Variants in CYP19A1 observed in about 807,000 individuals in gnomAD.
The protein encoded by CYP19A1 is aromatase.
Under a neutral mutation model 44.4 loss-of-function variants are expected in CYP19A1, and 32 were observed. That is an observed-to-expected ratio of 0.72 (90% CI 0.54 to 0.97). CYP19A1 has a LOEUF of 0.97. Among genes scored for constraint, CYP19A1 ranks in the 50% least tolerant of loss-of-function variants. CYP19A1 has a pLI of 0.00. For missense variants in CYP19A1, 598 were observed against 637.8 expected (o/e 0.94, Z 0.67); for synonymous variants, 212 against 215.6 (o/e 0.98, Z 0.14).
chr15:51,237,440 A>T (rs2141107924), intron 2 of CYP19A1, among the ~76,000 whole-genome samples: 1 of 152,296 alleles, frequency 6.6e-6, no homozygotes, highest in African/African-American at 2.4e-5. Context: ...TTTTGGTTTG[A>T]GTGCCCCGGT....
chr15:51,228,167 A>T (rs572169084), intron 3 of CYP19A1, among the ~76,000 whole-genome samples: 1 of 152,220 alleles, frequency 6.6e-6, no homozygotes, highest in African/African-American at 2.4e-5. Context: ...GATAGAAAAC[A>T]CACACACACA....
At chr15:51,311,972 ATAT>A (rs2036319418) in intron 1 of CYP19A1, among the ~76,000 whole-genome samples, 1 of 152,236 alleles carries the variant, frequency 6.6e-6, no homozygotes, top group South Asian at 2.1e-4. Flanking sequence ...TTCAAAAATA[ATAT>A]TATATATCAA....
intron 1 of CYP19A1, among the ~76,000 whole-genome samples, chr15:51,272,160 G>C (rs76676235): frequency 6.6e-5 from 10 of 152,044 alleles, no homozygotes; most frequent in Non-Finnish European, 1.0e-4. Flanking sequence ...GTCCATCTTC[G>C]ATTTTTCCCT....
intron 1 of CYP19A1, among the ~76,000 whole-genome samples, chr15:51,286,163 C>T (rs988898074): frequency 1.3e-5 from 2 of 152,206 alleles, no homozygotes; most frequent in African/African-American, 4.8e-5. Flanking sequence ...TATAACAACT[C>T]TACTCCTCTC....
chr15:51,298,062 C>T (rs552243142), intron 1 of CYP19A1, among the ~76,000 whole-genome samples: 2 of 152,074 alleles, frequency 1.3e-5, no homozygotes, highest in East Asian at 3.9e-4. Context: ...CCAAGTCTGG[C>T]TCCCTGCCCC....
intron 1 of CYP19A1, among the ~76,000 whole-genome samples, chr15:51,251,159 C>T (rs2034292738): frequency 6.6e-6 from 1 of 152,082 alleles, no homozygotes; most frequent in Non-Finnish European, 1.5e-5. Flanking sequence ...GAGCCAAGTG[C>T]CAGTGGTGGT....
Position 51,210,840 on chromosome 15 carries a change from G to A in CYP19A1, c.1480C>T (p.Pro494Ser), listed in dbSNP as rs1269264988. Residue 494 changes from proline (P) to serine (S), a missense_variant, in exon 10 of 10, where the codon CCA (proline) becomes TCA (serine). Coordinates refer to ENST00000396402, the MANE Select transcript of CYP19A1 (RefSeq NM_000103.4). Reference sequence around the variant, plus strand: ...TCCAGACACCTGTCTGAGTTTCTTGGGGTAAAGATCATTTCCAGCATGTTT... The same window carrying A: ...TCCAGACACCTGTCTGAGTTTCTTGAGGTAAAGATCATTTCCAGCATGTTT... ...TKNMLEMIFT[P>S]RNSDRCLEH The A allele has an allele frequency of 6.3e-7, 1 of 1,597,304 alleles. No individual in the cohort carries two copies. The highest frequency in any genetic ancestry group is 8.6e-7 in the Non-Finnish European group (1 of 1,164,724).
intron 1 of CYP19A1, among the ~76,000 whole-genome samples, chr15:51,295,225 T>C (rs2140994415): frequency 6.6e-6 from 1 of 151,480 alleles, no homozygotes; most frequent in African/African-American, 2.4e-5. Context: ...GGCTTTTTAC[T>C]CCAAGAAGGA....
intron 6 of CYP19A1, among the ~76,000 whole-genome samples, chr15:51,217,335 T>A (rs75378287): frequency 0.019 from 2,888 of 152,272 alleles, 114 homozygotes; most frequent in African/African-American, 0.067. Context: ...AAGGCTAAAC[T>A]AATGACTGAG....
chr15:51,219,311 T>C lies in CYP19A1; in HGVS notation c.629-656A>G, dbSNP rs187750022. Reference sequence around the variant, plus strand: ...CAATCAGCTCTTAATAAATGCTCTTTAATTAAATTGAATACTAGAGGAAAT... The same window carrying C: ...CAATCAGCTCTTAATAAATGCTCTTCAATTAAATTGAATACTAGAGGAAAT... On this transcript the variant is annotated intron_variant, in intron 5 of 9. Transcript: ENST00000396402. 3.0e-3 allele frequency among the ~76,000 whole-genome samples: 452 copies of C among 152,366 alleles called. 3 individuals are homozygous for C. Among genetic ancestry groups the C allele is most frequent in the Non-Finnish European group, 3.7e-3 (251 of 68,038 alleles).
At position 51,253,998 on chromosome 15, in the gene CYP19A1, T is replaced by C. The variant is rs545552621; in HGVS notation, c.-38-11048A>G. Among the ~76,000 whole-genome samples, 11 of 152,216 alleles carry C rather than the reference T, an allele frequency of 7.2e-5. No individual in the cohort carries two copies. The East Asian group carries it at 1.9e-3, about 27-fold the overall frequency. ...TGGGGGATAACAAAAATGAAGAGGC[T>C]AGATTTGTGTTAGGAAGCAATAATA... On this transcript the variant is annotated intron_variant, in intron 1 of 9. Coordinates refer to ENST00000396402, the MANE Select transcript of CYP19A1 (RefSeq NM_000103.4).
intron 6 of CYP19A1, among the ~76,000 whole-genome samples, chr15:51,216,912 T>A (rs2031632070): frequency 6.6e-6 from 1 of 152,200 alleles, no homozygotes; most frequent in Admixed American, 6.5e-5. Context: ...ATTTTTCTTA[T>A]CTCTGTCCTT....
intron 1 of CYP19A1, among the ~76,000 whole-genome samples, chr15:51,331,923 A>G (rs970888069): frequency 2.5e-4 from 38 of 151,152 alleles, no homozygotes; most frequent in African/African-American, 9.0e-4. Context: ...GTGTGTGTAT[A>G]TATATATATA....
chr15:51,227,031 G>A (rs192262971), intron 4 of CYP19A1, among the ~76,000 whole-genome samples: 43 of 152,184 alleles, frequency 2.8e-4, no homozygotes, highest in African/African-American at 9.4e-4. Context: ...TTGTTTGGCC[G>A]TGTTTAAATC....
chr15:51,219,735 A>C (rs1286070401), intron 5 of CYP19A1, among the ~76,000 whole-genome samples: 1 of 152,220 alleles, frequency 6.6e-6, no homozygotes, highest in African/African-American at 2.4e-5. Context: ...CATAGTCTGC[A>C]TCCAAAAATG....
At chr15:51,332,639 CT>C (rs2036719135) in intron 1 of CYP19A1, among the ~76,000 whole-genome samples, 1 of 152,200 alleles carries the variant, frequency 6.6e-6, no homozygotes, top group Non-Finnish European at 1.5e-5. Context: ...TCTTAACACC[CT>C]TTTATCTGGT....
chr15:51,252,597 C>T (rs1439449696), intron 1 of CYP19A1, among the ~76,000 whole-genome samples: 1 of 152,206 alleles, frequency 6.6e-6, no homozygotes, highest in Non-Finnish European at 1.5e-5. Context: ...ACCCTGATAT[C>T]CCATCTGTGG....
chr15:51,237,035 A>C (rs564347033), intron 2 of CYP19A1, 26 bp from the exon 3 acceptor site: 1 of 1,613,984 alleles, frequency 6.2e-7, no homozygotes, highest in Admixed American at 1.7e-5. Flanking sequence ...GAGCATAAGC[A>C]ACATCTTAGT....
chr15:51,304,080 G>C (rs186806663), intron 1 of CYP19A1, among the ~76,000 whole-genome samples: 79 of 152,270 alleles, frequency 5.2e-4, no homozygotes, highest in African/African-American at 1.8e-3. Context: ...TCAGGGAGGA[G>C]GAAGTCATTA....
Sources: gnomAD v4.1 joint callset for allele counts (sites outside exome capture counted in the v4.1 genomes callset) on GRCh38, gnomAD v4.1.1 for gene constraint, MANE v1.5 for transcripts, NCBI Gene and HGNC (gene_info 2026-07-23, HGNC 2026-07-21) for gene names.